The following NCAM2 variants were observed in gnomAD, a reference collection of about 807,000 sequenced individuals.
NCAM2 encodes the protein neural cell adhesion molecule 2.
NCAM2 carries 30 observed loss-of-function variants against 98.1 expected under a neutral mutation model. That is an observed-to-expected ratio of 0.31 (90% CI 0.23 to 0.41). The LOEUF (loss-of-function observed/expected upper bound fraction) is 0.41, where lower values mean the gene tolerates loss of function less well. NCAM2 is among the 10% of genes least tolerant of loss of function. The probability of loss-of-function intolerance (pLI) is 1.00; values close to 1 mark genes in which losing one functional copy is unlikely to be tolerated. For missense variants in NCAM2, 867 were observed against 1,005.8 expected, an observed-to-expected ratio of 0.86 and a Z score of 1.87; for synonymous variants, 368 against 342.4, an observed-to-expected ratio of 1.07 and a Z score of -0.83.
intron 1 of NCAM2, among the ~76,000 whole-genome samples, chr21:21,056,709 G>A (rs1162188533): frequency 6.6e-6 from 1 of 152,024 alleles, no homozygotes; most frequent in Non-Finnish European, 1.5e-5. Context: ...CCATCATGGA[G>A]TACAACCATG....
intron 14 of NCAM2, among the ~76,000 whole-genome samples, chr21:21,469,705 G>T (rs1452042488): frequency 1.3e-5 from 2 of 151,844 alleles, no homozygotes; most frequent in Admixed American, 6.6e-5. Context: ...TAAATGGAAA[G>T]ATCTACATTC....
intron 12 of NCAM2, among the ~76,000 whole-genome samples, chr21:21,445,792 T>C (rs1338568597): frequency 6.6e-6 from 1 of 152,196 alleles, no homozygotes; most frequent in Non-Finnish European, 1.5e-5. Context: ...TGCCAGTCTG[T>C]GTCTTTTAAT....
chr21:21,190,515 C>G (rs1468337768), intron 1 of NCAM2, among the ~76,000 whole-genome samples: 1 of 152,182 alleles, frequency 6.6e-6, no homozygotes, highest in African/African-American at 2.4e-5. Flanking sequence ...GAGTCTTCTT[C>G]TTCAGTGTTC....
chr21:21,155,798 C>G (rs2067593143), intron 1 of NCAM2, among the ~76,000 whole-genome samples: 1 of 151,914 alleles, frequency 6.6e-6, no homozygotes, highest in African/African-American at 2.4e-5. Flanking sequence ...TGATTCTACT[C>G]TATACAACCA....
intron 9 of NCAM2, among the ~76,000 whole-genome samples, chr21:21,386,401 A>G (rs1219022909): frequency 6.6e-6 from 1 of 152,178 alleles, no homozygotes; most frequent in African/African-American, 2.4e-5. Flanking sequence ...AAGCCAATGA[A>G]ACTTTAAAGA....
chr21:21,048,505 C>G (rs2065042345), intron 1 of NCAM2, among the ~76,000 whole-genome samples: 1 of 152,098 alleles, frequency 6.6e-6, no homozygotes, highest in African/African-American at 2.4e-5. Flanking sequence ...AGGTGCCCGC[C>G]ACACGCCCGG....
intron 1 of NCAM2, chr21:21,210,752 G>A (rs2069620713): frequency 2.6e-6 from 2 of 775,126 alleles, no homozygotes; most frequent in South Asian, 1.8e-5. Flanking sequence ...TCATTGAAAG[G>A]CAATGAGGTG....
At chr21:21,284,534 C>T in intron 3 of NCAM2, 134 bp downstream of exon 3, 1 of 691,132 alleles carries the variant, frequency 1.4e-6, no homozygotes, top group Non-Finnish European at 2.4e-6. Flanking sequence ...TTATGCTTTA[C>T]CAGAGTGTAT....
intron 1 of NCAM2, among the ~76,000 whole-genome samples, chr21:21,098,673 AG>A (rs1410576354): frequency 6.6e-6 from 1 of 151,870 alleles, no homozygotes; most frequent in Non-Finnish European, 1.5e-5. Context: ...CTAAAGCTGA[AG>A]TATTTTCTAA....
At chr21:21,486,303 C>CA (rs67182493) in intron 15 of NCAM2, among the ~76,000 whole-genome samples, 5,155 of 51,888 alleles carry the variant, frequency 0.099, 738 homozygotes, top group East Asian at 0.26. Flanking sequence ...GACTCCGTCT[C>CA]AAAAAAAAAA....
chr21:21,272,406 T>C (rs1191083843), intron 1 of NCAM2, among the ~76,000 whole-genome samples: 2 of 152,132 alleles, frequency 1.3e-5, no homozygotes, highest in African/African-American at 2.4e-5. Context: ...ACACCAAATA[T>C]ACTGAATCAG....
At chr21:21,008,818 A>T (rs80139734) in intron 1 of NCAM2, among the ~76,000 whole-genome samples, 1 of 152,096 alleles carries the variant, frequency 6.6e-6, no homozygotes, top group Admixed American at 6.6e-5. Context: ...AGAACTGTTA[A>T]TACTTTTGCC....
intron 8 of NCAM2, among the ~76,000 whole-genome samples, chr21:21,361,375 A>G (rs972539823): frequency 6.6e-6 from 1 of 151,978 alleles, no homozygotes; most frequent in Non-Finnish European, 1.5e-5. Context: ...AATAACCTTC[A>G]CTTTATGAAA....
chr21:21,256,120 C>T (rs1281011676), intron 1 of NCAM2, among the ~76,000 whole-genome samples: 3 of 151,910 alleles, frequency 2.0e-5, no homozygotes, highest in East Asian at 1.9e-4. Flanking sequence ...TTTGGGAGGT[C>T]GAGGTGGGTG....
chr21:21,401,495 A>G (rs1378474069), intron 9 of NCAM2, among the ~76,000 whole-genome samples: 1 of 152,140 alleles, frequency 6.6e-6, no homozygotes. Context: ...GTAACCACCA[A>G]CCTACTGTCC....
chr21:21,142,503 G>C (rs958355983), intron 1 of NCAM2, among the ~76,000 whole-genome samples: 3 of 149,040 alleles, frequency 2.0e-5, no homozygotes, highest in African/African-American at 7.4e-5. Context: ...CTCAGACTCC[G>C]GAGTAGCTGG....
intron 14 of NCAM2, among the ~76,000 whole-genome samples, chr21:21,476,693 G>A (rs1163409940): frequency 6.6e-6 from 1 of 151,954 alleles, no homozygotes; most frequent in Non-Finnish European, 1.5e-5. Flanking sequence ...GAATGTTTGA[G>A]AATAGGATGG....
At position 21,419,114 on chromosome 21, in the gene NCAM2, A is replaced by G. The variant is rs187755959; in HGVS notation, c.1480+545A>G. 1.6e-4 allele frequency among the ~76,000 whole-genome samples: 24 copies of G among 152,260 alleles called. No individual in the cohort carries two copies. In the East Asian group the frequency reaches 4.6e-3, roughly 29 times the overall value. ...GTAATTTTAAATGTTAGCAAAGAAT[A>G]TATTTTACATTTTTATAGGTAACAA... On this transcript the variant is annotated intron_variant, in intron 11 of 17. Coordinates refer to ENST00000400546, the MANE Select transcript of NCAM2 (RefSeq NM_004540.5).
At chr21:21,154,517 C>T (rs995599103) in intron 1 of NCAM2, among the ~76,000 whole-genome samples, 1 of 151,398 alleles carries the variant, frequency 6.6e-6, no homozygotes, top group Non-Finnish European at 1.5e-5. Flanking sequence ...TATGGTATCT[C>T]ATATTTTCTT....
Sources: gnomAD v4.1 joint callset for allele counts (sites outside exome capture counted in the v4.1 genomes callset) on GRCh38, gnomAD v4.1.1 for gene constraint, MANE v1.5 for transcripts, NCBI Gene and HGNC (gene_info 2026-07-23, HGNC 2026-07-21) for gene names.